The following LMLN variants were observed in gnomAD, a reference collection of about 807,000 sequenced individuals.
LMLN encodes the protein leishmanolysin like peptidase.
A neutral mutation model predicts 92.3 loss-of-function variants in LMLN; 70 were observed. That is an observed-to-expected ratio of 0.76 (90% CI 0.63 to 0.92). The LOEUF (loss-of-function observed/expected upper bound fraction) is 0.92, where lower values mean the gene tolerates loss of function less well. Ranked by LOEUF, LMLN falls within the 40% of genes least tolerant of loss-of-function variation. LMLN has a pLI of 0.00. For synonymous variants in LMLN, 308 were observed against 296.2 expected, an observed-to-expected ratio of 1.04 and a Z score of -0.41; for missense variants, 691 against 814.6, an observed-to-expected ratio of 0.85 and a Z score of 1.85.
chr3:198,024,895 G>C, intron 14 of LMLN, 107 bp downstream of exon 15: 1 of 818,222 alleles, frequency 1.2e-6, no homozygotes, highest in Middle Eastern at 2.8e-4. Flanking sequence ...TTAATTTACT[G>C]ATCAATACTG....
chr3:197,986,844 C>CT (rs749444175), intron 8 of LMLN, among the ~76,000 whole-genome samples: 380 of 133,658 alleles, frequency 2.8e-3, no homozygotes, highest in African/African-American at 4.7e-3. Flanking sequence ...AATTTTTTTT[C>CT]TTTTTTTTTT....
exon 16 of LMLN, chr3:198,040,396 G>A (rs1017797854): frequency 2.6e-5 from 4 of 152,172 alleles, no homozygotes; most frequent in African/African-American, 9.7e-5. Flanking sequence ...AATTTTTAAT[G>A]GCTAGATGAG....
At chr3:198,038,751 T>C (rs1241359208) in exon 16 of LMLN, 2 of 1,015,186 alleles carry the variant, frequency 2.0e-6, no homozygotes, top group East Asian at 2.4e-5. Flanking sequence ...TGCCAACCTA[T>C]GCAGATGGTA....
chr3:198,013,032 C>T lies in LMLN; in HGVS notation c.1233-6221C>T, dbSNP rs535952160. ...TGACTTCTCTGTACCCTTCAGAGTC[C>T]CCTAACTAGTCTGACTTCTCTGTAC... On this transcript the variant is annotated intron_variant, in intron 11 of 15. Coordinates refer to ENST00000330198, the Ensembl canonical transcript of LMLN. Among the ~76,000 whole-genome samples, 131 of 122,684 alleles carry T rather than the reference C, an allele frequency of 1.1e-3. 1 individual carries two copies. Among genetic ancestry groups the T allele is most frequent in the African/African-American group, 4.8e-3 (120 of 25,204 alleles). The allele number at this position is 122,684 out of a possible 152,430, so 80.5% of individuals were successfully genotyped here. A position where few individuals can be genotyped will look rare whatever the true frequency, so the allele number is the denominator to read the frequency against.
intron 11 of LMLN, among the ~76,000 whole-genome samples, chr3:198,014,684 T>C (rs1289643695): frequency 2.9e-5 from 4 of 135,796 alleles, no homozygotes; most frequent in Non-Finnish European, 6.3e-5. Flanking sequence ...GACTTCTCTG[T>C]ATCCTTCAGA....
chr3:197,976,885 T>C (rs1490069221), intron 5 of LMLN, among the ~76,000 whole-genome samples, 170 bp downstream of exon 5: 1 of 152,244 alleles, frequency 6.6e-6, no homozygotes, highest in Non-Finnish European at 1.5e-5. Flanking sequence ...CAAGTGAGTT[T>C]AATGGTATTT....
rs529786536 is a variant in LMLN, at chr3:198,003,717, G to A, written c.1232+4375G>A. Among the ~76,000 whole-genome samples, 226 of 86,856 alleles carry A rather than the reference G, an allele frequency of 2.6e-3. 8 individuals carry two copies. The highest frequency in any genetic ancestry group is 8.1e-3 in the South Asian group (22 of 2,708). 57.0% of individuals were successfully genotyped at this position (86,856 alleles called of 152,430 possible). The stretch of plus-strand genomic sequence containing the variant: ...TCATCTATACAGATACATATCATAC[G>A]TAGTAAGTTTGACATCTATCTATAT... On this transcript the variant is annotated intron_variant, in intron 11 of 15. Transcript: ENST00000330198.
intron 9 of LMLN, among the ~76,000 whole-genome samples, chr3:197,993,468 C>G (rs1405369031): frequency 6.6e-6 from 1 of 151,716 alleles, no homozygotes; most frequent in African/African-American, 2.4e-5. Context: ...AGAAAACTAC[C>G]TGAAAAAGAA....
At chr3:197,996,060 C>A in intron 9 of LMLN, 115 bp from the exon 10 acceptor site, 1 of 465,700 alleles carries the variant, frequency 2.1e-6, no homozygotes, top group Non-Finnish European at 3.7e-6. Flanking sequence ...ATTCTCCTTT[C>A]TCAACAAAGT....
rs571115612 is a variant in LMLN, at chr3:197,964,994, C to T, written c.219+4554C>T. Reference sequence around the variant, plus strand: ...TGCATTCCAGCCTGGGCGACAAGAGCGAAACTCTGTCTCAAAAAAAAAAAA... The same window carrying T: ...TGCATTCCAGCCTGGGCGACAAGAGTGAAACTCTGTCTCAAAAAAAAAAAA... On this transcript the variant is annotated intron_variant, in intron 1 of 15. Coordinates refer to ENST00000330198, the Ensembl canonical transcript of LMLN. Among the ~76,000 whole-genome samples the T allele has an allele frequency of 6.0e-4, 87 of 144,512 alleles. No individual in the cohort carries two copies. In the South Asian group the frequency reaches 0.013, roughly 21 times the overall value. 94.8% of individuals were successfully genotyped at this position (144,512 alleles called of 152,430 possible). A position where few individuals can be genotyped will look rare whatever the true frequency, so the allele number is the denominator to read the frequency against.
At chr3:197,976,231 A>T (rs1721376320) in intron 4 of LMLN, 120 bp downstream of exon 4, 3 of 569,828 alleles carry the variant, frequency 5.3e-6, no homozygotes, top group Non-Finnish European at 6.2e-6. Context: ...GTTCTTAGGG[A>T]CCTAACTGCA....
At chr3:198,013,415 G>A (rs1168194616) in intron 11 of LMLN, among the ~76,000 whole-genome samples, 1 of 117,964 alleles carries the variant, frequency 8.5e-6, no homozygotes, top group African/African-American at 4.0e-5. Flanking sequence ...TAACTAGTCT[G>A]ACTTCTCTCC....
At chr3:198,037,713 G>A (rs1723272018) in intron 15 of LMLN, among the ~76,000 whole-genome samples, 1 of 152,164 alleles carries the variant, frequency 6.6e-6, no homozygotes, top group African/African-American at 2.4e-5. Flanking sequence ...ATAAGGTCAG[G>A]TTGGCCTCAT....
intron 14 of LMLN, among the ~76,000 whole-genome samples, chr3:198,026,422 A>T (rs1376582844): frequency 6.6e-6 from 1 of 151,980 alleles, no homozygotes; most frequent in Non-Finnish European, 1.5e-5. Flanking sequence ...GGTTCCAGAG[A>T]TTCTTGTGCC....
intron 11 of LMLN, among the ~76,000 whole-genome samples, chr3:198,001,161 C>T (rs1285425143): frequency 1.3e-5 from 2 of 152,180 alleles, no homozygotes; most frequent in Admixed American, 1.3e-4. Flanking sequence ...GCATCATATA[C>T]TTCTCCTTTG....
At chr3:198,036,039 A>G (rs2109959708) in exon 15 of LMLN, 1 of 1,612,718 alleles carries the variant, frequency 6.2e-7, no homozygotes, top group Non-Finnish European at 8.5e-7. Context: ...GAGCTCTGCC[A>G]CTTGGTGAGT....
At chr3:197,999,408 CT>C in intron 11 of LMLN, 66 bp downstream of exon 11, 2 of 1,119,806 alleles carry the variant, frequency 1.8e-6, no homozygotes, top group Non-Finnish European at 2.7e-6. Flanking sequence ...GAGCTTATAG[CT>C]TAAGAAAATG....
At chr3:197,996,495 T>C (rs948349545) in intron 10 of LMLN, 5 of 326,610 alleles carry the variant, frequency 1.5e-5, no homozygotes, top group Non-Finnish European at 2.2e-5. Context: ...AAACACACGC[T>C]GAATTGTCTA....
intron 14 of LMLN, among the ~76,000 whole-genome samples, chr3:198,034,383 G>T (rs901788886): frequency 3.3e-5 from 5 of 152,296 alleles, no homozygotes; most frequent in African/African-American, 9.6e-5. Context: ...GCCGAGGCGG[G>T]CAGATCACCT....
Sources: gnomAD v4.1 joint callset for allele counts (sites outside exome capture counted in the v4.1 genomes callset) on GRCh38, gnomAD v4.1.1 for gene constraint, MANE v1.5 for transcripts, NCBI Gene and HGNC (gene_info 2026-07-23, HGNC 2026-07-21) for gene names.